SNX20: variants seen among roughly 807,000 people sequenced by gnomAD.
SNX20 encodes sorting nexin-20.
In SNX20, 21 loss-of-function variants were observed where a neutral mutation model predicts 24.5. The observed-to-expected ratio is 0.86, with a 90% CI of 0.61 to 1.23. The LOEUF (loss-of-function observed/expected upper bound fraction) is 1.23. SNX20 is among the 50% of genes most tolerant of loss of function. SNX20 has a pLI of 0.00. For synonymous variants in SNX20, 206 were observed against 192.8 expected (o/e 1.07, Z -0.57); for missense variants, 433 against 430.8 (o/e 1.00, Z -0.04).
At chr16:50,677,284 C>G in intron 2 of SNX20, 113 bp downstream of exon 2, 2 of 1,370,234 alleles carry the variant, frequency 1.5e-6, no homozygotes, top group South Asian at 1.6e-5. Flanking sequence ...TGGGATAACC[C>G]AAGTTACAAG....
chr16:50,669,170 A>G (rs1725093732), downstream of SNX20: 1 of 1,072,532 alleles, frequency 9.3e-7, no homozygotes, highest in Non-Finnish European at 1.4e-6. Context: ...GGTGAGTGAA[A>G]TGATCTTTAA....
At chr16:50,670,493 G>C (rs930032901), downstream of SNX20, 1 of 152,248 alleles carries the variant, frequency 6.6e-6, no homozygotes, top group African/African-American at 2.4e-5. Flanking sequence ...CAGCTTTTGA[G>C]GGGTCAGGAG....
At chr16:50,679,499 A>G (rs1183046937) in intron 1 of SNX20, among the ~76,000 whole-genome samples, 1 of 152,194 alleles carries the variant, frequency 6.6e-6, no homozygotes, top group Non-Finnish European at 1.5e-5. Flanking sequence ...CACCTTTTAC[A>G]GATGGGCAAA....
chr16:50,669,050 G>T (rs1194075904), downstream of SNX20: 11 of 1,551,750 alleles, frequency 7.1e-6, no homozygotes, highest in Non-Finnish European at 9.6e-6. Context: ...CTCAGAGCAT[G>T]TCACTTTGAC....
intron 1 of SNX20, among the ~76,000 whole-genome samples, chr16:50,678,997 A>G (rs1963240440): frequency 6.6e-6 from 1 of 152,232 alleles, no homozygotes; most frequent in South Asian, 2.1e-4. Flanking sequence ...TTGGAATAGA[A>G]TTACAAATGT....
rs994496146 is a variant in SNX20 at position 50,673,134 on chromosome 16, C to T, written c.*272G>A. On this transcript the variant is annotated 3_prime_UTR_variant, in exon 4 of 4. Transcript: ENST00000330943. This position sits in a 1 kb window ranked among gnomAD's most constrained non-coding sequence, Gnocchi z 4.1. ...CCTGGGCAACAGAGAGACCCTGTCT[C>T]TACTAAAAAATTAAAAATTAGCCTG... The T allele has an allele frequency of 1.2e-5, 4 of 346,364 alleles. No homozygotes were observed. Among genetic ancestry groups the T allele is most frequent in the Non-Finnish European group, 2.0e-5 (4 of 203,318 alleles). The allele number at this position is 346,364 out of a possible 1,614,324, so 21.5% of individuals were successfully genotyped here. A position where few individuals can be genotyped will look rare whatever the true frequency, so the allele number is the denominator to read the frequency against.
In SNX20 at chr16:50,674,764, C is replaced by T. The variant is rs151050235; in HGVS notation, c.283-690G>A. 1.3e-3 allele frequency among the ~76,000 whole-genome samples: 193 copies of T among 152,276 alleles called. 2 individuals carry two copies. The highest frequency in any genetic ancestry group is 4.4e-3 in the African/African-American group (184 of 41,546). On this transcript the variant is annotated intron_variant, in intron 3 of 3. Transcript: ENST00000330943. Reference sequence around the variant, plus strand: ...CACACTTGGGAATTAGTTTTACGTACAATATAACATCATTTAGGTACACTG... The same window carrying T: ...CACACTTGGGAATTAGTTTTACGTATAATATAACATCATTTAGGTACACTG...
intron 2 of SNX20, 94 bp from the exon 3 acceptor site, chr16:50,676,015 A>C: frequency 1.5e-6 from 2 of 1,320,298 alleles, no homozygotes; most frequent in Non-Finnish European, 2.0e-6. Flanking sequence ...GAGATGGCAT[A>C]TCAGAACTCC....
chr16:50,677,645 G>T, intron 1 of SNX20, 110 bp from the exon 2 acceptor site: 2 of 1,197,598 alleles, frequency 1.7e-6, no homozygotes, highest in South Asian at 1.9e-5. Flanking sequence ...CAGAGGGAAT[G>T]ACAAGGGCCC....
chr16:50,674,164 G>A, intron 3 of SNX20, 90 bp from the exon 4 acceptor site: 1 of 1,461,936 alleles, frequency 6.8e-7, no homozygotes, highest in Non-Finnish European at 9.0e-7. Flanking sequence ...CCAGGCCGGT[G>A]TAAAGCATGC....
rs1447770539 is a variant in SNX20 at position 50,672,432 on chromosome 16, TGCC to T, written c.*971_*973del. ...AAATGCCTGGTATCACAGAATCTTA[TGCC>T]ATTATTGCTTTCTGGTCCAGGGTCC... On this transcript the variant is annotated 3_prime_UTR_variant, in exon 4 of 4. Coordinates refer to ENST00000330943, the MANE Select transcript of SNX20 (RefSeq NM_182854.4). The T allele has an allele frequency of 2.6e-5, 4 of 152,102 alleles. No individual in the cohort carries two copies. The highest frequency in any genetic ancestry group is 5.9e-5 in the Non-Finnish European group (4 of 68,054). 9.4% of individuals were successfully genotyped at this position (152,102 alleles called of 1,614,324 possible).
chr16:50,677,423 G>A lies in SNX20; in HGVS notation c.104C>T (p.Pro35Leu), dbSNP rs1131716. 46,962 of 1,606,320 alleles carry A rather than the reference G, an allele frequency of 0.029. 6,469 individuals carry two copies. The African/African-American group carries it at 0.39, about 13-fold the overall frequency. Residue 35 changes from proline to leucine, a missense_variant, in exon 2 of 4, where the codon CCG (proline) becomes CTG (leucine). Coordinates refer to ENST00000330943, the MANE Select transcript of SNX20 (RefSeq NM_182854.4). ...TAAGTGCCCGTCAGGTCCTGGGTGCGGGAGGTCGGGGCCAGTGGCTGGTGC... is the reference window on the plus strand; with the variant it reads ...TAAGTGCCCGTCAGGTCCTGGGTGCAGGAGGTCGGGGCCAGTGGCTGGTGC... ...QEAPATGPDL[P>L]HPGPDGHLDT...
At position 50,673,491 on chromosome 16, in the gene SNX20, TCCTG is replaced by T; in HGVS notation, c.862_865del (p.Gln288ArgfsTer18). The T allele has an allele frequency of 6.2e-7, 1 of 1,609,044 alleles. No individual in the cohort carries two copies. ...CCGGAGCTGGCTCTCCTCCAGCCTC[TCCTG>T]CAGAGTCACGAAGTCCTTGCCCAGC... On this transcript the variant is annotated frameshift_variant, in exon 4 of 4. Coordinates refer to ENST00000330943, the MANE Select transcript of SNX20 (RefSeq NM_182854.4). LOFTEE classifies it high-confidence loss of function. This position sits in a 1 kb window ranked among gnomAD's most constrained non-coding sequence, Gnocchi z 4.1.
chr16:50,668,511 T>C (rs1596786950), downstream of SNX20: 2 of 976,822 alleles, frequency 2.0e-6, no homozygotes, highest in African/African-American at 3.5e-5. Flanking sequence ...TTTAGGATAG[T>C]AATAGGAAGT....
In SNX20 at chr16:50,673,685, C is replaced by T. The variant is rs766257486; in HGVS notation, c.672G>A (p.Ala224=). ...CGGCGCACAGGGCCGGGACGGCGGC[C>T]GCAGGGCAGTGGGCGGTGAGCTTCT... is the stretch of plus-strand genomic sequence containing the variant. ...LQEKLTAHCP[A]AAVPALCAVL... Residue 224 remains alanine, a synonymous_variant, in exon 4 of 4, where the codon GCG becomes GCA. Coordinates refer to ENST00000330943, the MANE Select transcript of SNX20 (RefSeq NM_182854.4). This position sits in a 1 kb window ranked among gnomAD's most constrained non-coding sequence, Gnocchi z 4.1. The T allele has an allele frequency of 3.3e-6, 5 of 1,495,302 alleles. No individual in the cohort carries two copies. In the South Asian group the frequency reaches 6.3e-5, roughly 19 times the overall value. 92.6% of individuals were successfully genotyped at this position (1,495,302 alleles called of 1,614,324 possible).
rs1963116248 is a variant in SNX20, at chr16:50,673,826, G to A, written c.531C>T (p.Ser177=). 1 of 1,598,184 alleles carries A rather than the reference G, an allele frequency of 6.3e-7. No homozygotes were observed. Among genetic ancestry groups the A allele is most frequent in the East Asian group, 2.3e-5 (1 of 44,392 alleles). ...LLYAIRCVRR[S]REFLDFLTRP... is the part of the protein sequence containing the mutation. The stretch of plus-strand genomic sequence containing the variant: ...GCGTGAGGAAGTCCAGGAACTCCCG[G>A]GAGCGGCGCACGCAGCGGATGGCGT... Residue 177 remains serine (S), a synonymous_variant, in exon 4 of 4, where the codon TCC becomes TCT. Coordinates refer to ENST00000330943, the MANE Select transcript of SNX20 (RefSeq NM_182854.4). The surrounding 1 kb of genome is among the most constrained non-coding windows in gnomAD (Gnocchi z 4.1).
intron 1 of SNX20, among the ~76,000 whole-genome samples, chr16:50,680,311 C>T (rs1459900451): frequency 6.6e-6 from 1 of 152,182 alleles, no homozygotes; most frequent in Non-Finnish European, 1.5e-5. Context: ...CCTCTCCTCA[C>T]CCTCTGTAGC....
chr16:50,679,519 G>A (rs960509290), intron 1 of SNX20, among the ~76,000 whole-genome samples: 12 of 152,232 alleles, frequency 7.9e-5, no homozygotes, highest in South Asian at 4.1e-4. Flanking sequence ...ACAGAGGCAC[G>A]GAGCAGGGGC....
downstream of SNX20, chr16:50,668,278 C>T (rs1015185762): frequency 1.4e-6 from 2 of 1,406,202 alleles, no homozygotes; most frequent in African/African-American, 2.9e-5. Context: ...TTTTCCAGTC[C>T]TTCTGAGTAA....
Sources: gnomAD v4.1 joint callset for allele counts (sites outside exome capture counted in the v4.1 genomes callset) on GRCh38, gnomAD v4.1.1 for gene constraint, Gnocchi (gnomAD v3.1) non-coding constraint, MANE v1.5 for transcripts, NCBI Gene and HGNC (gene_info 2026-07-23, HGNC 2026-07-21) for gene names.